Variants in TMEM266 observed in about 807,000 individuals in gnomAD.
TMEM266 encodes the protein transmembrane protein 266.
TMEM266 carries 33 observed loss-of-function variants against 50.5 expected under a neutral mutation model. The ratio of observed to expected loss-of-function variants is 0.65; its 90% CI spans 0.50 to 0.87. TMEM266 has a LOEUF of 0.87. TMEM266 is among the 40% of genes least tolerant of loss of function. TMEM266 has a pLI of 0.00. For missense variants in TMEM266, 655 were observed against 695.1 expected, an observed-to-expected ratio of 0.94 and a Z score of 0.65; for synonymous variants, 310 against 292.3, an observed-to-expected ratio of 1.06 and a Z score of -0.62.
chr15:76,134,794 C>T (rs1035944722), intron 2 of TMEM266, among the ~76,000 whole-genome samples: 1 of 152,226 alleles, frequency 6.6e-6, no homozygotes, highest in African/African-American at 2.4e-5. Flanking sequence ...TCTATTGACA[C>T]AGTAATGCTG....
chr15:76,204,492 A>C lies in TMEM266; in HGVS notation c.*177A>C. 5 of 564,298 alleles carry C rather than the reference A, an allele frequency of 8.9e-6. No homozygotes were observed. The highest frequency in any genetic ancestry group is 1.2e-5 in the Non-Finnish European group (4 of 321,086). The allele number at this position is 564,298 out of a possible 1,614,324, so 35.0% of individuals were successfully genotyped here. A position where few individuals can be genotyped will look rare whatever the true frequency, so the allele number is the denominator to read the frequency against. The stretch of plus-strand genomic sequence containing the variant: ...AGGAGGCCACAAGCTTCAGACCTCA[A>C]AGCCCAGAGCTGGCGCCTCTTCTCG... On this transcript the variant is annotated 3_prime_UTR_variant, in exon 11 of 11. Transcript: ENST00000388942.
Position 76,204,279 on chromosome 15 carries a change from C to A in TMEM266, c.1560C>A (p.Ser520=). 1 of 1,612,362 alleles carries A rather than the reference C, an allele frequency of 6.2e-7. No homozygotes were observed. The highest frequency in any genetic ancestry group is 1.1e-5 in the South Asian group (1 of 91,026). Residue 520 remains serine (S), a synonymous_variant, in exon 11 of 11, where the codon TCC becomes TCA. Coordinates refer to ENST00000388942, the MANE Select transcript of TMEM266 (RefSeq NM_152335.3). ...AGGACAAGTTCAGATCTTTGGAATC[C>A]AAAGAGCAAAAGCTGCACAGGGTCC... is the stretch of plus-strand genomic sequence containing the variant.
At chr15:76,087,639 G>A (rs913416141) in intron 1 of TMEM266, among the ~76,000 whole-genome samples, 3 of 151,652 alleles carry the variant, frequency 2.0e-5, no homozygotes, top group African/African-American at 7.3e-5. Context: ...ATGAGAGAGT[G>A]TATGGATTAA....
intron 8 of TMEM266, among the ~76,000 whole-genome samples, chr15:76,184,851 A>G (rs1200548109): frequency 6.6e-6 from 1 of 152,228 alleles, no homozygotes; most frequent in East Asian, 1.9e-4. Flanking sequence ...TGGGCAGGTT[A>G]TCTGATTAGA....
rs186201023 is a variant in TMEM266 at position 76,156,748 on chromosome 15, G to A, written c.372G>A (p.Lys124=). 1.9e-6 allele frequency: 3 copies of A among 1,613,816 alleles called. No individual in the cohort carries two copies. The highest frequency in any genetic ancestry group is 1.1e-5 in the South Asian group (1 of 91,078). Residue 124 remains lysine (K), a synonymous_variant, in exon 4 of 11, where the codon AAG becomes AAA. Coordinates refer to ENST00000388942, the MANE Select transcript of TMEM266 (RefSeq NM_152335.3). ...CTCTGGAACTTCTAATAGATATAAA[G>A]CTTCTCCAGTGTGAGTAGCAAGAGA...
intron 3 of TMEM266, among the ~76,000 whole-genome samples, chr15:76,150,508 G>C (rs566202271): frequency 6.6e-6 from 1 of 152,280 alleles, no homozygotes; most frequent in Non-Finnish European, 1.5e-5. Context: ...ACACCTTGAG[G>C]GTCTCCACGG....
chr15:76,121,826 C>T (rs746930775), intron 1 of TMEM266, among the ~76,000 whole-genome samples: 9 of 152,190 alleles, frequency 5.9e-5, no homozygotes, highest in Non-Finnish European at 1.3e-4. Context: ...ACAAAACACT[C>T]CTTGATAGTC....
chr15:76,202,088 A>G (rs2038757226), intron 9 of TMEM266, 114 bp from the exon 10 acceptor site: 2 of 892,242 alleles, frequency 2.2e-6, no homozygotes, highest in Non-Finnish European at 3.4e-6. Flanking sequence ...CACACACACC[A>G]AGGGCTTCTG....
intron 1 of TMEM266, among the ~76,000 whole-genome samples, chr15:76,064,278 C>T (rs925427486): frequency 1.3e-5 from 2 of 152,172 alleles, no homozygotes; most frequent in Non-Finnish European, 1.5e-5. Context: ...TTGGTGTCAT[C>T]CCTGTTTGAG....
chr15:76,086,355 G>A (rs993643635), intron 1 of TMEM266, among the ~76,000 whole-genome samples: 1 of 152,196 alleles, frequency 6.6e-6, no homozygotes, highest in African/African-American at 2.4e-5. Flanking sequence ...GACAGCAGTT[G>A]CCTCTGGGTG....
chr15:76,188,232 A>C (rs1463196393), intron 8 of TMEM266, among the ~76,000 whole-genome samples: 1 of 152,206 alleles, frequency 6.6e-6, no homozygotes, highest in African/African-American at 2.4e-5. Context: ...ATTGAGTCAC[A>C]GTTCTGCATA....
intron 1 of TMEM266, among the ~76,000 whole-genome samples, chr15:76,122,670 T>A (rs2142020368): frequency 6.6e-6 from 1 of 152,338 alleles, no homozygotes; most frequent in African/African-American, 2.4e-5. Flanking sequence ...GCTGCAGCCC[T>A]AGCTCATTGT....
intron 1 of TMEM266, among the ~76,000 whole-genome samples, chr15:76,078,444 TAA>T (rs2036637193): frequency 6.6e-6 from 1 of 151,214 alleles, no homozygotes; most frequent in African/African-American, 2.5e-5. Context: ...CTAATCATGC[TAA>T]GTTTGACTCA....
rs1198015713 is a variant in TMEM266, at chr15:76,194,748, T to C, written c.958+2591T>C. ...CTGCCTTCATCTGCACATGGCGTCC[T>C]CTCTATGCACATGTCTGGGTCTAGA... On this transcript the variant is annotated intron_variant, in intron 9 of 10. Transcript: ENST00000388942. Among the ~76,000 whole-genome samples, 4 of 152,154 alleles carry C rather than the reference T, an allele frequency of 2.6e-5. No individual in the cohort carries two copies. The East Asian group carries it at 7.7e-4, about 29-fold the overall frequency.
At chr15:76,179,509 C>T (rs1029835177) in intron 8 of TMEM266, among the ~76,000 whole-genome samples, 2 of 152,316 alleles carry the variant, frequency 1.3e-5, no homozygotes, top group African/African-American at 2.4e-5. Context: ...CAGCCCATCA[C>T]GTTGAGCCTC....
rs1326993495 is a variant in TMEM266, at chr15:76,125,773, G to A, written c.-96-8395G>A. On this transcript the variant is annotated intron_variant, in intron 1 of 10. Transcript: ENST00000388942. ...TGAGGCAGGAGAATTGCTGGAACCCGGGAGGCAGAGGCTGCAGTGAGCTGA... is the reference window on the plus strand; with the variant it reads ...TGAGGCAGGAGAATTGCTGGAACCCAGGAGGCAGAGGCTGCAGTGAGCTGA... Among the ~76,000 whole-genome samples, 7 of 151,666 alleles carry A rather than the reference G, an allele frequency of 4.6e-5. No homozygotes were observed. In the East Asian group the frequency reaches 5.8e-4, roughly 13 times the overall value.
chr15:76,133,032 A>C (rs1014038614), intron 1 of TMEM266, among the ~76,000 whole-genome samples: 2 of 151,564 alleles, frequency 1.3e-5, no homozygotes, highest in African/African-American at 4.9e-5. Context: ...GCTGAGGCTT[A>C]GGTGGAGGGT....
At chr15:76,095,047 T>C (rs2036902888) in intron 1 of TMEM266, among the ~76,000 whole-genome samples, 3 of 152,092 alleles carry the variant, frequency 2.0e-5, no homozygotes, top group Admixed American at 2.0e-4. Flanking sequence ...TATACAGTCA[T>C]GTCATCTGCA....
intron 8 of TMEM266, among the ~76,000 whole-genome samples, chr15:76,182,683 T>C (rs1311900166): frequency 3.3e-5 from 5 of 152,016 alleles, no homozygotes; most frequent in Admixed American, 6.6e-5. Context: ...AACTACTAAA[T>C]GTATCTATAT....
Sources: gnomAD v4.1 joint callset for allele counts (sites outside exome capture counted in the v4.1 genomes callset) on GRCh38, gnomAD v4.1.1 for gene constraint, MANE v1.5 for transcripts, NCBI Gene and HGNC (gene_info 2026-07-23, HGNC 2026-07-21) for gene names.